GRIA3: variants seen among roughly 807,000 people sequenced by gnomAD.
GRIA3 encodes glutamate ionotropic receptor AMPA type subunit 3.
GRIA3 carries 3 observed loss-of-function variants against 63.0 expected under a neutral mutation model. That is an observed-to-expected ratio of 0.05 (90% confidence interval 0.02 to 0.12). The LOEUF is 0.12. GRIA3 is among the 10% of genes least tolerant of loss of function. The pLI, the probability that GRIA3 is intolerant of heterozygous loss-of-function variation, is 1.00. For synonymous variants in GRIA3, 274 were observed against 257.9 expected (o/e 1.06, Z -0.60); for missense variants, 347 against 700.9 (o/e 0.50, Z 5.70).
At chrX:123,384,509 C>T (rs952405328) in intron 5 of GRIA3, among the ~76,000 whole-genome samples, 3 of 111,695 alleles carry the variant, frequency 2.7e-5, no homozygotes, top group Admixed American at 9.5e-5. Flanking sequence ...CCTGTAATCC[C>T]AGCTACTTGG....
chrX:123,411,387 G>T (rs1193304743), intron 10 of GRIA3, among the ~76,000 whole-genome samples: 1 of 111,893 alleles, frequency 8.9e-6, no homozygotes, highest in East Asian at 2.8e-4. Flanking sequence ...TAGTCTCATG[G>T]TGGGTTACAA....
chrX:123,187,624 C>A (rs1334385951), intron 2 of GRIA3, among the ~76,000 whole-genome samples: 1 of 111,805 alleles, frequency 8.9e-6, no homozygotes. Flanking sequence ...ATTAAACTAC[C>A]AGGGTTTATT....
chrX:123,189,851 T>G (rs1603015445), intron 2 of GRIA3, among the ~76,000 whole-genome samples: 2 of 111,389 alleles, frequency 1.8e-5, no homozygotes, highest in South Asian at 7.7e-4. Flanking sequence ...ATGCAAAATT[T>G]TATTCCATTA....
chrX:123,246,224 T>C (rs1465162344), intron 2 of GRIA3, among the ~76,000 whole-genome samples: 1 of 112,331 alleles, frequency 8.9e-6, no homozygotes, highest in African/African-American at 3.2e-5. Flanking sequence ...TTTGCTATGT[T>C]AAATGTATTA....
chrX:123,305,965 T>A (rs1176041799), intron 3 of GRIA3, among the ~76,000 whole-genome samples: 3 of 111,813 alleles, frequency 2.7e-5, no homozygotes, highest in Non-Finnish European at 1.9e-5. Context: ...CTATTGAGAC[T>A]TCCACTTGCT....
chrX:123,325,390 A>G (rs778163946), intron 3 of GRIA3, among the ~76,000 whole-genome samples: 51 of 112,237 alleles, frequency 4.5e-4, no homozygotes, highest in Non-Finnish European at 8.6e-4. Context: ...ATAAAAAGGA[A>G]CCAGGAATTC....
rs1402240182 is a variant in GRIA3, at chrX:123,291,783, T to C, written c.509-34243T>C. On this transcript the variant is annotated intron_variant, in intron 3 of 15. Coordinates refer to ENST00000620443, the MANE Select transcript of GRIA3 (RefSeq NM_007325.5). The stretch of plus-strand genomic sequence containing the variant: ...AAGGGAGCCTGGGAAACAAAGTATC[T>C]AGCTGGGCACATTGCCACCTTAAAC... Among the ~76,000 whole-genome samples, 7 of 110,513 alleles carry C rather than the reference T, an allele frequency of 6.3e-5. No homozygotes were observed. In the East Asian group the frequency reaches 1.7e-3, roughly 27 times the overall value.
intron 3 of GRIA3, among the ~76,000 whole-genome samples, chrX:123,313,977 C>A (rs2044814910): frequency 9.1e-6 from 1 of 109,331 alleles, no homozygotes; most frequent in African/African-American, 3.3e-5. Flanking sequence ...CTGTGGCTGA[C>A]TGGTAGCACT....
intron 2 of GRIA3, among the ~76,000 whole-genome samples, chrX:123,186,858 T>G (rs1927292067): frequency 8.9e-6 from 1 of 112,007 alleles, no homozygotes; most frequent in African/African-American, 3.2e-5. Context: ...CTGAAATCCT[T>G]AGTTGTACCG....
At chrX:123,400,046 G>A (rs911737297) in intron 7 of GRIA3, among the ~76,000 whole-genome samples, 2 of 111,277 alleles carry the variant, frequency 1.8e-5, no homozygotes, top group Non-Finnish European at 3.8e-5. Flanking sequence ...ACATAATGAT[G>A]AGTGAAATAT....
chrX:123,436,309 G>GTTTT (rs752538238), intron 12 of GRIA3, among the ~76,000 whole-genome samples: 1,571 of 111,285 alleles, frequency 0.014, 39 homozygotes, highest in African/African-American at 0.049. Context: ...TTTGTTTTTT[G>GTTTT]TTTTTGTTTG....
Position 123,255,024 on chromosome X carries a change from G to A in GRIA3, c.508+1482G>A, listed in dbSNP as rs528217518. On this transcript the variant is annotated intron_variant, in intron 3 of 15. Transcript: ENST00000620443. ...CCCCAATGGTGGTCTCCAATCCTGT[G>A]ATACATACATATATAATATGGTTTC... Among the ~76,000 whole-genome samples, 7 of 112,011 alleles carry A rather than the reference G, an allele frequency of 6.2e-5. No homozygotes were observed. The East Asian group carries it at 2.0e-3, about 31-fold the overall frequency.
intron 3 of GRIA3, among the ~76,000 whole-genome samples, chrX:123,304,518 G>T (rs1349199316): frequency 9.0e-6 from 1 of 111,619 alleles, no homozygotes; most frequent in East Asian, 2.8e-4. Flanking sequence ...ATTTCCTCCA[G>T]GCTCCTTCTC....
chrX:123,461,014 A>G (rs1027280321), intron 12 of GRIA3, among the ~76,000 whole-genome samples: 2 of 111,641 alleles, frequency 1.8e-5, no homozygotes, highest in African/African-American at 6.5e-5. Context: ...ATTGAAAAGC[A>G]TATATCCAAA....
chrX:123,444,974 A>G (rs1408578173), intron 12 of GRIA3, among the ~76,000 whole-genome samples: 2 of 111,013 alleles, frequency 1.8e-5, no homozygotes, highest in African/African-American at 3.3e-5. Flanking sequence ...TCCAATTCTC[A>G]AGCAGGAGAG....
At chrX:123,222,143 T>C (rs946251868) in intron 2 of GRIA3, among the ~76,000 whole-genome samples, 1 of 111,790 alleles carries the variant, frequency 8.9e-6, no homozygotes, top group Non-Finnish European at 1.9e-5. Flanking sequence ...AACTCATCCA[T>C]GGCTTTATCT....
At chrX:123,189,520 C>T (rs771585479) in intron 2 of GRIA3, among the ~76,000 whole-genome samples, 3 of 112,094 alleles carry the variant, frequency 2.7e-5, no homozygotes, top group Non-Finnish European at 5.6e-5. Context: ...TACACCGCCC[C>T]AGCCTCTGCA....
intron 13 of GRIA3, among the ~76,000 whole-genome samples, chrX:123,470,915 A>T (rs746670592): frequency 3.6e-5 from 4 of 112,099 alleles, no homozygotes; most frequent in Non-Finnish European, 7.5e-5. Flanking sequence ...GTTAAGATGG[A>T]TCCCAATGAC....
chrX:123,397,755 C>T (rs1038778610), intron 6 of GRIA3, among the ~76,000 whole-genome samples: 18 of 112,311 alleles, frequency 1.6e-4, no homozygotes, highest in Non-Finnish European at 1.9e-4. Flanking sequence ...CATTTTGCTA[C>T]ATTTTTAAAA....
Sources: gnomAD v4.1 joint callset for allele counts (sites outside exome capture counted in the v4.1 genomes callset) on GRCh38, gnomAD v4.1.1 for gene constraint, MANE v1.5 for transcripts, NCBI Gene and HGNC (gene_info 2026-07-23, HGNC 2026-07-21) for gene names.